The following ACSF2 variants were observed in gnomAD, a reference collection of about 807,000 sequenced individuals.
ACSF2 encodes medium-chain acyl-CoA ligase ACSF2, mitochondrial.
ACSF2 carries 52 observed loss-of-function variants against 79.3 expected under a neutral mutation model. The ratio of observed to expected loss-of-function variants is 0.66; its 90% CI spans 0.53 to 0.83. The LOEUF is 0.83. Ranked by LOEUF, ACSF2 falls within the 40% of genes least tolerant of loss-of-function variation. The pLI, the probability that ACSF2 is intolerant of heterozygous loss-of-function variation, is 0.00. For missense variants in ACSF2, 661 were observed against 803.3 expected, an observed-to-expected ratio of 0.82 and a Z score of 2.14; for synonymous variants, 283 against 312.6, an observed-to-expected ratio of 0.91 and a Z score of 1.00.
intron 1 of ACSF2, among the ~76,000 whole-genome samples, chr17:50,455,724 G>A (rs1030125897): frequency 1.3e-5 from 2 of 152,146 alleles, no homozygotes; most frequent in Admixed American, 6.5e-5. Context: ...GTGGGCGGAG[G>A]AGCTGTGACA....
intron 1 of ACSF2, among the ~76,000 whole-genome samples, chr17:50,427,717 A>G (rs920939234): frequency 6.6e-6 from 1 of 152,230 alleles, no homozygotes; most frequent in Non-Finnish European, 1.5e-5. Flanking sequence ...AGGCTGCCCA[A>G]TAGAAAACAA....
chr17:50,464,769 T>TG (rs368836827), intron 10 of ACSF2: 6,490 of 169,286 alleles, frequency 0.038, 204 homozygotes, highest in African/African-American at 0.058. Flanking sequence ...CTGATTGACT[T>TG]GGGGGGGGGG....
At chr17:50,434,882 T>G (rs1375904437) in intron 1 of ACSF2, among the ~76,000 whole-genome samples, 1 of 152,112 alleles carries the variant, frequency 6.6e-6, no homozygotes, top group Admixed American at 6.6e-5. Context: ...TTCTTTTTTT[T>G]ATTTTGAGAC....
chr17:50,429,886 C>A lies in ACSF2; in HGVS notation c.128+3497C>A, dbSNP rs150967039. On this transcript the variant is annotated intron_variant, in intron 1 of 15. Transcript: ENST00000300441. ...TCTCCAGAACTCCTCACGACCAACT[C>A]CTTCCCCCTATCTATGTGCCTCCTT... Among the ~76,000 whole-genome samples the A allele has an allele frequency of 2.1e-3, 324 of 152,314 alleles. 2 individuals are homozygous for A. The highest frequency in any genetic ancestry group is 7.6e-3 in the African/African-American group (315 of 41,562).
intron 1 of ACSF2, among the ~76,000 whole-genome samples, chr17:50,430,318 G>C (rs1479958316): frequency 6.6e-6 from 1 of 152,194 alleles, no homozygotes; most frequent in African/African-American, 2.4e-5. Context: ...CGGGAGCATA[G>C]ACTCAAGTTG....
At chr17:50,469,098 CCCGG>C in intron 10 of ACSF2, 1 of 1,184,144 alleles carries the variant, frequency 8.4e-7, no homozygotes, top group East Asian at 4.1e-5. Flanking sequence ...AGCCCTGAGC[CCCGG>C]CTGTAGCCCC....
chr17:50,439,999 T>C (rs2030762701), intron 1 of ACSF2, among the ~76,000 whole-genome samples: 1 of 152,200 alleles, frequency 6.6e-6, no homozygotes, highest in Non-Finnish European at 1.5e-5. Flanking sequence ...TTTGTGTTTT[T>C]TAAAACACAG....
At chr17:50,445,498 T>C (rs2031238999) in intron 1 of ACSF2, among the ~76,000 whole-genome samples, 1 of 152,068 alleles carries the variant, frequency 6.6e-6, no homozygotes, top group Admixed American at 6.6e-5. Context: ...CGACGTGTCA[T>C]CAAAAGTGTC....
At chr17:50,451,056 C>A (rs771482826) in intron 1 of ACSF2, among the ~76,000 whole-genome samples, 6 of 152,154 alleles carry the variant, frequency 3.9e-5, no homozygotes, top group Non-Finnish European at 8.8e-5. Context: ...AGTAGCTAGG[C>A]CTCCGGAGTA....
intron 1 of ACSF2, among the ~76,000 whole-genome samples, chr17:50,446,662 T>C (rs1258845566): frequency 2.6e-5 from 4 of 152,210 alleles, no homozygotes; most frequent in Admixed American, 1.3e-4. Flanking sequence ...CGTGACCTCT[T>C]TAAGTCACTG....
At chr17:50,447,704 G>A (rs753566210) in intron 1 of ACSF2, among the ~76,000 whole-genome samples, 3 of 152,130 alleles carry the variant, frequency 2.0e-5, no homozygotes, top group Non-Finnish European at 2.9e-5. Context: ...AATAGAGGAG[G>A]TCCCTTAGCC....
chr17:50,461,473 G>A, intron 3 of ACSF2, 103 bp downstream of exon 3: 3 of 1,592,926 alleles, frequency 1.9e-6, no homozygotes, highest in Non-Finnish European at 2.6e-6. Flanking sequence ...GTGCCTTGTT[G>A]GTTTCAAACC....
Position 50,463,013 on chromosome 17 carries a change from A to G in ACSF2, c.793-143A>G. Reference sequence around the variant, plus strand: ...ACCCTGACACCTGGTATCGTGGTAGACCTTTTGCAAATATACTGAACAGAT... The same window carrying G: ...ACCCTGACACCTGGTATCGTGGTAGGCCTTTTGCAAATATACTGAACAGAT... On this transcript the variant is annotated intron_variant, in intron 6 of 15. Transcript: ENST00000300441. The surrounding 1 kb of genome is among the most constrained non-coding windows in gnomAD (Gnocchi z 4.6). The G allele has an allele frequency of 1.4e-6, 1 of 708,484 alleles. No individual in the cohort carries two copies. The highest frequency in any genetic ancestry group is 2.4e-6 in the Non-Finnish European group (1 of 411,490). 43.9% of individuals were successfully genotyped at this position (708,484 alleles called of 1,614,324 possible).
At position 50,473,783 on chromosome 17, in the gene ACSF2, C is replaced by T; in HGVS notation, c.1594C>T (p.His532Tyr). The T allele has an allele frequency of 6.2e-7, 1 of 1,614,252 alleles. No homozygotes were observed. Among genetic ancestry groups the T allele is most frequent in the Non-Finnish European group, 8.5e-7 (1 of 1,180,052 alleles). The change falls in exon 13 of 16, where the codon CAC becomes TAC. Residue 532 changes from histidine to tyrosine, a missense_variant. His to Tyr is a moderately conservative substitution (Grantham distance 83). Transcript: ENST00000300441. ...AGAGCTCGAGGACTTCTTTCACACA[C>T]ACCCGAAGGTGCAGGAAGTGCAGGT... Reference protein sequence around the residue: ...PAELEDFFHTHPKVQEVQVVG... With the variant: ...PAELEDFFHTYPKVQEVQVVG...
intron 10 of ACSF2, chr17:50,468,761 G>A (rs759367576): frequency 1.3e-6 from 2 of 1,593,102 alleles, no homozygotes; most frequent in East Asian, 4.5e-5. Context: ...GGCCAGCGCC[G>A]GCAGCAGACC....
At chr17:50,451,276 G>A (rs922206943) in intron 1 of ACSF2, among the ~76,000 whole-genome samples, 3 of 151,972 alleles carry the variant, frequency 2.0e-5, no homozygotes, top group African/African-American at 7.2e-5. Flanking sequence ...GTTCTTTTGG[G>A]CATATATTAT....
chr17:50,453,662 T>C (rs2031811749), intron 1 of ACSF2, among the ~76,000 whole-genome samples: 1 of 152,208 alleles, frequency 6.6e-6, no homozygotes. Context: ...TTTTGCAAGA[T>C]GTTAACATTG....
Position 50,463,949 on chromosome 17 carries a change from C to T in ACSF2, c.1138+40C>T. On this transcript the variant is annotated intron_variant, in intron 9 of 15. Transcript: ENST00000300441. This position sits in a 1 kb window ranked among gnomAD's most constrained non-coding sequence, Gnocchi z 4.6. The stretch of plus-strand genomic sequence containing the variant: ...AGGGCAGCCAGGCTTGGGGAGGGGG[C>T]TGCTTCCCCCACAGGAATGGCCCGG... 1 of 1,588,152 alleles carries T rather than the reference C, an allele frequency of 6.3e-7. No individual in the cohort carries two copies. Among genetic ancestry groups the T allele is most frequent in the Non-Finnish European group, 8.6e-7 (1 of 1,158,940 alleles).
chr17:50,472,275 C>T (rs1598438331), intron 11 of ACSF2, 153 bp from the exon 12 acceptor site: 2 of 864,858 alleles, frequency 2.3e-6, no homozygotes, highest in South Asian at 1.9e-5. Context: ...CTTTGTCTCC[C>T]TTCTCTGGAT....
Sources: allele counts gnomAD v4.1 joint callset (sites outside exome capture counted in the v4.1 genomes callset), GRCh38; gene constraint gnomAD v4.1.1; non-coding constraint Gnocchi (gnomAD v3.1); transcripts MANE v1.5; gene names NCBI Gene and HGNC (gene_info 2026-07-23, HGNC 2026-07-21).